The following SLC35F1 variants were observed in gnomAD, a reference collection of about 807,000 sequenced individuals.
The protein encoded by SLC35F1 is chromosome 6 open reading frame 169.
In SLC35F1, 14 loss-of-function variants were observed where a neutral mutation model predicts 48.7. That is an observed-to-expected ratio of 0.29 (90% CI 0.19 to 0.45). SLC35F1 has a LOEUF of 0.45. Among genes scored for constraint, SLC35F1 ranks in the 20% least tolerant of loss-of-function variants. The pLI, the probability that SLC35F1 is intolerant of heterozygous loss-of-function variation, is 1.00. For synonymous variants in SLC35F1, 190 were observed against 202.2 expected, an observed-to-expected ratio of 0.94 and a Z score of 0.51; for missense variants, 404 against 500.0, an observed-to-expected ratio of 0.81 and a Z score of 1.83.
At chr6:118,302,310 TGG>T in intron 7 of SLC35F1, among the ~76,000 whole-genome samples, 1 of 152,152 alleles carries the variant, frequency 6.6e-6, no homozygotes, top group South Asian at 2.1e-4. Flanking sequence ...AGGAAACGCA[TGG>T]GAGACAGGGA....
intron 2 of SLC35F1, among the ~76,000 whole-genome samples, chr6:118,201,401 A>T (rs1774871974): frequency 6.6e-6 from 1 of 152,238 alleles, no homozygotes; most frequent in Non-Finnish European, 1.5e-5. Context: ...AGATTTCTTC[A>T]ACAGATGTGA....
intron 5 of SLC35F1, 60 bp downstream of exon 5, chr6:118,275,675 A>G: frequency 1.3e-6 from 2 of 1,534,798 alleles, no homozygotes; most frequent in Non-Finnish European, 1.8e-6. Context: ...TATTCTTACA[A>G]TTTTTGTTCT....
chr6:118,301,013 C>T (rs1776249606), intron 7 of SLC35F1, among the ~76,000 whole-genome samples: 1 of 152,022 alleles, frequency 6.6e-6, no homozygotes, highest in East Asian at 1.9e-4. Context: ...ATGAATTGTA[C>T]TGGTGTTTCC....
At chr6:118,094,135 G>A (rs1773115490) in intron 1 of SLC35F1, among the ~76,000 whole-genome samples, 1 of 152,072 alleles carries the variant, frequency 6.6e-6, no homozygotes, top group African/African-American at 2.4e-5. Flanking sequence ...AGAATGATAT[G>A]GGGGAAAATC....
intron 1 of SLC35F1, among the ~76,000 whole-genome samples, chr6:118,009,369 G>A (rs1777216472): frequency 6.6e-6 from 1 of 152,172 alleles, no homozygotes; most frequent in Non-Finnish European, 1.5e-5. Context: ...GATGCCTGAG[G>A]TCAGGACATA....
At chr6:117,981,795 A>G (rs1424511179) in intron 1 of SLC35F1, among the ~76,000 whole-genome samples, 1 of 152,204 alleles carries the variant, frequency 6.6e-6, no homozygotes, top group South Asian at 2.1e-4. Flanking sequence ...TTGTATATTC[A>G]TACCACAACC....
At chr6:118,028,162 G>A (rs996045516) in intron 1 of SLC35F1, among the ~76,000 whole-genome samples, 6 of 152,064 alleles carry the variant, frequency 3.9e-5, no homozygotes, top group Non-Finnish European at 8.8e-5. Flanking sequence ...ACATTGTCCT[G>A]TTTTATTCTG....
chr6:118,087,403 T>C (rs1436402457), intron 1 of SLC35F1, among the ~76,000 whole-genome samples: 1 of 152,168 alleles, frequency 6.6e-6, no homozygotes, highest in African/African-American at 2.4e-5. Flanking sequence ...CATATTCGTT[T>C]TGAGGAGATC....
intron 7 of SLC35F1, among the ~76,000 whole-genome samples, chr6:118,299,949 T>C (rs1178049495): frequency 6.6e-6 from 1 of 152,204 alleles, no homozygotes; most frequent in Non-Finnish European, 1.5e-5. Flanking sequence ...ACTTCTCTCA[T>C]TAATTGTGAG....
At chr6:117,986,527 T>C (rs1374180239) in intron 1 of SLC35F1, among the ~76,000 whole-genome samples, 2 of 152,210 alleles carry the variant, frequency 1.3e-5, no homozygotes, top group Non-Finnish European at 2.9e-5. Context: ...GGAAGTTGGA[T>C]GTTTGAAACT....
intron 2 of SLC35F1, among the ~76,000 whole-genome samples, chr6:118,217,732 C>T (rs1775094628): frequency 6.6e-6 from 1 of 152,126 alleles, no homozygotes; most frequent in Non-Finnish European, 1.5e-5. Flanking sequence ...AATTATGCCC[C>T]CCTGCTTTTT....
intron 1 of SLC35F1, among the ~76,000 whole-genome samples, chr6:118,081,634 T>TCAAA (rs140914804): frequency 8.5e-5 from 13 of 152,204 alleles, no homozygotes; most frequent in East Asian, 3.9e-4. Flanking sequence ...GACCCTGTTT[T>TCAAA]CAAACAAACA....
At chr6:117,924,119 A>T (rs1310968528) in intron 1 of SLC35F1, among the ~76,000 whole-genome samples, 1 of 143,104 alleles carries the variant, frequency 7.0e-6, no homozygotes, top group Non-Finnish European at 1.5e-5. Flanking sequence ...ATGTATATAC[A>T]CACATAGGTA....
At chr6:117,933,489 C>G (rs1440262462) in intron 1 of SLC35F1, among the ~76,000 whole-genome samples, 3 of 152,158 alleles carry the variant, frequency 2.0e-5, no homozygotes, top group Non-Finnish European at 4.4e-5. Context: ...AGTAATTAAT[C>G]ACCTCCCAAA....
intron 1 of SLC35F1, among the ~76,000 whole-genome samples, chr6:118,013,841 G>T (rs1777284556): frequency 6.6e-6 from 1 of 152,082 alleles, no homozygotes; most frequent in South Asian, 2.1e-4. Context: ...TTGACATCAT[G>T]CTTTTTTTCC....
intron 3 of SLC35F1, among the ~76,000 whole-genome samples, chr6:118,236,683 G>A (rs1003652692): frequency 4.6e-5 from 7 of 152,178 alleles, no homozygotes; most frequent in African/African-American, 1.7e-4. Context: ...CCATATGCAC[G>A]TTGTGTTCCA....
At chr6:118,271,754 G>T (rs1677943936) in intron 4 of SLC35F1, among the ~76,000 whole-genome samples, 1 of 152,154 alleles carries the variant, frequency 6.6e-6, no homozygotes, top group African/African-American at 2.4e-5. Context: ...TTATGACTAG[G>T]TTGATTGGAA....
chr6:118,023,334 G>A (rs1008424707), intron 1 of SLC35F1, among the ~76,000 whole-genome samples: 6 of 152,132 alleles, frequency 3.9e-5, no homozygotes, highest in Admixed American at 3.9e-4. Flanking sequence ...AAAGCATTAA[G>A]CCAAGCTGAG....
intron 2 of SLC35F1, among the ~76,000 whole-genome samples, chr6:118,195,006 A>G (rs1321802581): frequency 6.6e-6 from 1 of 152,210 alleles, no homozygotes; most frequent in African/African-American, 2.4e-5. Context: ...CATTCCTGCC[A>G]GAGCAAAATG....
Sources: gnomAD v4.1 joint callset for allele counts (sites outside exome capture counted in the v4.1 genomes callset) on GRCh38, gnomAD v4.1.1 for gene constraint, MANE v1.5 for transcripts, NCBI Gene and HGNC (gene_info 2026-07-23, HGNC 2026-07-21) for gene names.